The following ZNF808 variants were observed in gnomAD, a reference collection of about 807,000 sequenced individuals.
ZNF808 encodes the protein zinc finger protein 808.
ZNF808 carries 5 observed loss-of-function variants against 8.7 expected under a neutral mutation model. The observed-to-expected ratio is 0.58, with a 90% CI of 0.30 to 1.21. The LOEUF (loss-of-function observed/expected upper bound fraction) is 1.21, where lower values mean the gene tolerates loss of function less well. Among genes scored for constraint, ZNF808 ranks in the 50% most tolerant of loss-of-function variants. The pLI is 0.07. For missense variants in ZNF808, 1,103 were observed against 1,098.4 expected, an observed-to-expected ratio of 1.00 and a Z score of -0.06; for synonymous variants, 380 against 366.0, an observed-to-expected ratio of 1.04 and a Z score of -0.44.
chr19:52,565,939 C>G (rs980899992), downstream of ZNF808, among the ~76,000 whole-genome samples: 6 of 152,012 alleles, frequency 3.9e-5, no homozygotes, highest in Admixed American at 3.9e-4. Context: ...TTAACCTTGG[C>G]AAAATAGATT....
chr19:52,559,276 G>A (rs543739297), downstream of ZNF808, among the ~76,000 whole-genome samples: 113 of 152,304 alleles, frequency 7.4e-4, no homozygotes, highest in African/African-American at 2.5e-3. Flanking sequence ...CTGCCTTAGA[G>A]CTGGAGGTGA....
At chr19:52,561,991 CCCT>C (rs2123228227) in intron 3 of ZNF808, among the ~76,000 whole-genome samples, 1 of 152,286 alleles carries the variant, frequency 6.6e-6, no homozygotes, top group African/African-American at 2.4e-5. Flanking sequence ...TTTCCTGTCT[CCCT>C]CATTTCACTG....
At chr19:52,561,158 T>TTC (rs1191860993), downstream of ZNF808, among the ~76,000 whole-genome samples, 161 of 52,372 alleles carry the variant, frequency 3.1e-3, no homozygotes, top group African/African-American at 4.0e-3. Context: ...CTTCTATCTG[T>TTC]TCTCTCTCTC....
chr19:52,550,544 T>A (rs75761698), intron 4 of ZNF808, among the ~76,000 whole-genome samples: 4 of 146,284 alleles, frequency 2.7e-5, no homozygotes, highest in Non-Finnish European at 4.5e-5. Flanking sequence ...TTTTTTTTTT[T>A]AATGGAGTTT....
downstream of ZNF808, among the ~76,000 whole-genome samples, chr19:52,560,650 C>A (rs1029389960): frequency 2.6e-5 from 4 of 152,108 alleles, no homozygotes; most frequent in South Asian, 8.3e-4. Flanking sequence ...GGATCTTGTT[C>A]ATTCTTGTCC....
At chr19:52,528,955 C>G (rs1384190646) in intron 1 of ZNF808, among the ~76,000 whole-genome samples, 2 of 151,264 alleles carry the variant, frequency 1.3e-5, no homozygotes, top group Non-Finnish European at 2.9e-5. Flanking sequence ...GGGGGATAAA[C>G]AGCAGAAGAG....
chr19:52,549,147 T>G (rs1183398881), intron 4 of ZNF808, among the ~76,000 whole-genome samples: 1 of 152,034 alleles, frequency 6.6e-6, no homozygotes, highest in Admixed American at 6.6e-5. Flanking sequence ...GGCTAATGTT[T>G]TGTATTTTTT....
Position 52,533,864 on chromosome 19 carries a change from AAAAG to A in ZNF808, c.-20+856_-20+859del, listed in dbSNP as rs1281388701. ...TCTCCAAAAAAAAAAAAAAAAAAAAAAAAGGCAAGCAACAAGATAGATTGTACCT... is the reference window on the plus strand; with the variant it reads ...TCTCCAAAAAAAAAAAAAAAAAAAAAGCAAGCAACAAGATAGATTGTACCT... On this transcript the variant is annotated intron_variant, in intron 2 of 4. Transcript: ENST00000359798. Among the ~76,000 whole-genome samples the A allele has an allele frequency of 4.2e-3, 628 of 150,836 alleles. 8 individuals are homozygous for A. Among genetic ancestry groups the A allele is most frequent in the African/African-American group, 0.015 (599 of 40,770 alleles).
At chr19:52,557,224 C>T (rs1330737597), downstream of ZNF808, among the ~76,000 whole-genome samples, 1 of 151,004 alleles carries the variant, frequency 6.6e-6, no homozygotes, top group Non-Finnish European at 1.5e-5. Flanking sequence ...CAGACCTGGC[C>T]TCCCAAGGTG....
At chr19:52,536,435 G>A (rs2059612214) in intron 2 of ZNF808, among the ~76,000 whole-genome samples, 1 of 152,070 alleles carries the variant, frequency 6.6e-6, no homozygotes, top group South Asian at 2.1e-4. Context: ...GTCCTGGGGA[G>A]GCTGCGTCTT....
intron 2 of ZNF808, among the ~76,000 whole-genome samples, chr19:52,536,940 A>G (rs1438209021): frequency 1.3e-5 from 2 of 152,156 alleles, no homozygotes; most frequent in South Asian, 2.1e-4. Context: ...TAATCCCAGC[A>G]GTTTGGGAAG....
chr19:52,566,709 C>T (rs2059873805), downstream of ZNF808, among the ~76,000 whole-genome samples: 1 of 152,058 alleles, frequency 6.6e-6, no homozygotes, highest in Non-Finnish European at 1.5e-5. Flanking sequence ...TAAACAGGAT[C>T]CTAGGGGAGC....
At position 52,542,459 on chromosome 19, in the gene ZNF808, C is replaced by G. The variant is rs575011592; in HGVS notation, c.-19-807C>G. ...CCTCTCTCTAGGATGCTCTTCCCCT[C>G]AGCTGCAAGTGACAAGCAGCCTTTC... On this transcript the variant is annotated intron_variant, in intron 2 of 4. Transcript: ENST00000359798. Among the ~76,000 whole-genome samples, 10 of 69,630 alleles carry G rather than the reference C, an allele frequency of 1.4e-4. No individual in the cohort carries two copies. In the Admixed American group the frequency reaches 1.5e-3, roughly 10 times the overall value. 45.7% of individuals were successfully genotyped at this position (69,630 alleles called of 152,430 possible). A position where few individuals can be genotyped will look rare whatever the true frequency, so the allele number is the denominator to read the frequency against.
At chr19:52,533,356 A>G (rs1463235909) in intron 2 of ZNF808, among the ~76,000 whole-genome samples, 6 of 152,000 alleles carry the variant, frequency 3.9e-5, no homozygotes, top group Non-Finnish European at 5.9e-5. Flanking sequence ...CTTCCAGAGT[A>G]GCTGGGACTA....
exon 4 of ZNF808, chr19:52,563,599 C>A: frequency 6.5e-6 from 1 of 153,690 alleles, no homozygotes; most frequent in Non-Finnish European, 1.4e-5. Context: ...TATGAACAGG[C>A]TATGGAGTTG....
chr19:52,536,707 A>G (rs535287502), intron 2 of ZNF808, among the ~76,000 whole-genome samples: 1 of 152,258 alleles, frequency 6.6e-6, no homozygotes, highest in African/African-American at 2.4e-5. Flanking sequence ...GCTGGTGGCA[A>G]TGAGAACAGA....
chr19:52,531,543 A>G lies in ZNF808; in HGVS notation c.-121-1365A>G, dbSNP rs2059562065. Among the ~76,000 whole-genome samples, 7 of 146,174 alleles carry G rather than the reference A, an allele frequency of 4.8e-5. No individual in the cohort carries two copies. The South Asian group carries it at 1.6e-3, about 33-fold the overall frequency. On this transcript the variant is annotated intron_variant, in intron 1 of 4. Coordinates refer to ENST00000359798, the MANE Select transcript of ZNF808 (RefSeq NM_001039886.4). ...AAGCAGACGTATTCACGTGTAGTCA[A>G]CACGCATGACCAAATTCTCTCACAG...
At chr19:52,533,843 CAAAAAAAAAAAAA>C (rs919374020) in intron 2 of ZNF808, among the ~76,000 whole-genome samples, 1 of 30,760 alleles carries the variant, frequency 3.3e-5, no homozygotes, top group Non-Finnish European at 5.4e-5. Context: ...ACTCCGTCTC[CAAAAAAAAAAAAA>C]AAAAAAAAAA....
chr19:52,564,423 C>A (rs1568495979), exon 4 of ZNF808: 1 of 278,914 alleles, frequency 3.6e-6, no homozygotes, highest in Non-Finnish European at 6.6e-6. Context: ...CCTTTCATTT[C>A]AAAAAAAAAA....
Sources: gnomAD v4.1 joint callset for allele counts (sites outside exome capture counted in the v4.1 genomes callset) on GRCh38, gnomAD v4.1.1 for gene constraint, MANE v1.5 for transcripts, NCBI Gene and HGNC (gene_info 2026-07-23, HGNC 2026-07-21) for gene names.